Variants in GPR89B observed in about 807,000 individuals in gnomAD.
The protein encoded by GPR89B is G protein-coupled receptor 89B.
Under a neutral mutation model 52.4 loss-of-function variants are expected in GPR89B, and 25 were observed. That is an observed-to-expected ratio of 0.48 (90% CI 0.35 to 0.67). The LOEUF (loss-of-function observed/expected upper bound fraction) is 0.67. Ranked by LOEUF, GPR89B falls within the 30% of genes least tolerant of loss-of-function variation. The probability of loss-of-function intolerance (pLI) is 0.01; values close to 1 mark genes in which losing one functional copy is unlikely to be tolerated. For missense variants in GPR89B, 146 were observed against 450.2 expected (o/e 0.32, Z 6.11); for synonymous variants, 52 against 151.2 (o/e 0.34, Z 4.81).
chr1:148,015,553 A>T, the GPR89B span, among the ~76,000 whole-genome samples: 2 of 145,628 alleles, frequency 1.4e-5, no homozygotes, highest in African/African-American at 2.6e-5. Flanking sequence ...TGACCTCGTG[A>T]TGCACCCGCC....
chr1:147,936,178 A>G (rs587640239), intron 1 of GPR89B, among the ~76,000 whole-genome samples: 1 of 152,122 alleles, frequency 6.6e-6, no homozygotes, highest in South Asian at 2.1e-4. Flanking sequence ...CACCCAGCTA[A>G]TTTTTGTATT....
At chr1:148,002,671 A>T in the GPR89B span, among the ~76,000 whole-genome samples, 1 of 152,098 alleles carries the variant, frequency 6.6e-6, no homozygotes, top group Non-Finnish European at 1.5e-5. Flanking sequence ...CTCAAAAAAC[A>T]ACTCCCCATT....
At chr1:147,977,641 T>C (rs1657942207) in intron 10 of GPR89B, among the ~76,000 whole-genome samples, 1 of 150,728 alleles carries the variant, frequency 6.6e-6, no homozygotes, top group African/African-American at 2.5e-5. Context: ...GTAGGTTCGG[T>C]ATTTTTATGT....
chr1:147,981,677 C>T (rs1221609543), intron 10 of GPR89B, among the ~76,000 whole-genome samples: 5 of 151,676 alleles, frequency 3.3e-5, no homozygotes, highest in African/African-American at 1.2e-4. Flanking sequence ...TTTTGAGACA[C>T]AGTCTCACTC....
rs1208089188 is a variant in GPR89B, at chr1:147,980,768, G to A, written c.910-5431G>A. On this transcript the variant is annotated intron_variant, in intron 10 of 13. Coordinates refer to ENST00000314163, the MANE Select transcript of GPR89B (RefSeq NM_016334.5). ...CGGGAGGCGGAGCTTGCAGTGAGCC[G>A]AGATCCCGCCACTGCACTCCAGCCT... 1.4e-3 allele frequency among the ~76,000 whole-genome samples: 186 copies of A among 128,974 alleles called. 5 individuals carry two copies. The South Asian group carries it at 0.043, about 30-fold the overall frequency. The allele number at this position is 128,974 out of a possible 152,430, so 84.6% of individuals were successfully genotyped here.
rs1284675064 is a variant in GPR89B at position 147,993,105 on chromosome 1, TGA to T, written c.*192_*193del. 6.8e-7 allele frequency: 1 copy of T among 1,479,426 alleles called. No homozygotes were observed. Among genetic ancestry groups the T allele is most frequent in the Non-Finnish European group, 9.0e-7 (1 of 1,116,944 alleles). The allele number at this position is 1,479,426 out of a possible 1,614,324, so 91.6% of individuals were successfully genotyped here. A position where few individuals can be genotyped will look rare whatever the true frequency, so the allele number is the denominator to read the frequency against. Reference sequence around the variant, plus strand: ...ACCATGAGTAGCATCAGCCAGAACATGAGAGGGAGAACTAACTCAAGACAATA... The same window carrying T: ...ACCATGAGTAGCATCAGCCAGAACATGAGGGAGAACTAACTCAAGACAATA... On this transcript the variant is annotated 3_prime_UTR_variant, in exon 14 of 14. Transcript: ENST00000314163.
At chr1:148,002,645 C>G in the GPR89B span, among the ~76,000 whole-genome samples, 5 of 152,014 alleles carry the variant, frequency 3.3e-5, no homozygotes, top group Non-Finnish European at 5.9e-5. Flanking sequence ...GGTTTTTGTT[C>G]TTCTCCCTTA....
chr1:147,928,675 C>G, intron 1 of GPR89B, 97 bp downstream of exon 1: 3 of 1,529,456 alleles, frequency 2.0e-6, no homozygotes, highest in Non-Finnish European at 9.0e-7. Flanking sequence ...GGGTCTCGCT[C>G]CTCTCTTACG....
At chr1:148,019,201 T>A in the GPR89B span, among the ~76,000 whole-genome samples, 2 of 151,204 alleles carry the variant, frequency 1.3e-5, no homozygotes, top group Admixed American at 1.3e-4. Flanking sequence ...GGTCTCGAAC[T>A]CCTGACCTCG....
At chr1:147,963,853 A>G (rs2149071399) in intron 7 of GPR89B, among the ~76,000 whole-genome samples, 1 of 152,342 alleles carries the variant, frequency 6.6e-6, no homozygotes, top group South Asian at 2.1e-4. Flanking sequence ...TTATCCAGAG[A>G]AATGAAGATT....
intron 7 of GPR89B, among the ~76,000 whole-genome samples, chr1:147,964,256 G>C (rs1356937799): frequency 1.3e-5 from 2 of 151,798 alleles, no homozygotes; most frequent in Non-Finnish European, 2.9e-5. Flanking sequence ...CTAAAAAAAA[G>C]TAATGGCTGA....
chr1:147,991,485 G>T (rs1659064573), intron 12 of GPR89B, among the ~76,000 whole-genome samples: 1 of 152,120 alleles, frequency 6.6e-6, no homozygotes, highest in Non-Finnish European at 1.5e-5. Flanking sequence ...CCAACACTAT[G>T]TTGAATAAGA....
chr1:148,021,923 T>G, the GPR89B span: 1 of 148,344 alleles, frequency 6.7e-6, no homozygotes, highest in Non-Finnish European at 1.5e-5. Context: ...GCGAAGCCTA[T>G]ATGGGTTCCC....
chr1:147,990,810 C>G (rs1432583767), intron 12 of GPR89B, among the ~76,000 whole-genome samples: 1 of 150,830 alleles, frequency 6.6e-6, no homozygotes, highest in Admixed American at 6.6e-5. Flanking sequence ...TGGTCTGTAT[C>G]TCTGTTTTGG....
rs1553247959 is a variant in GPR89B, at chr1:147,936,662, G to T, written c.78G>T (p.Met26Ile). 1.9e-6 allele frequency: 3 copies of T among 1,611,874 alleles called. No individual in the cohort carries two copies. Among genetic ancestry groups the T allele is most frequent in the Admixed American group, 3.3e-5 (2 of 59,834 alleles). The change falls in exon 2 of 14, where the codon ATG (methionine) becomes ATT (isoleucine). Residue 26 changes from methionine (M) to isoleucine (I), a missense_variant. Physicochemically the swap from Met to Ile is conservative, Grantham distance 10 (BLOSUM62 1). Transcript: ENST00000314163. ...LFFGFGWLFF[M>I]RQLFKDYEIR... Reference sequence around the variant, plus strand: ...TTGGATTTGGGTGGCTTTTCTTCATGCGCCAATTGTTTAAAGACTATGAGG... The same window carrying T: ...TTGGATTTGGGTGGCTTTTCTTCATTCGCCAATTGTTTAAAGACTATGAGG...
At chr1:147,966,268 C>T (rs1405631978) in intron 7 of GPR89B, among the ~76,000 whole-genome samples, 5 of 151,942 alleles carry the variant, frequency 3.3e-5, no homozygotes, top group Non-Finnish European at 4.4e-5. Context: ...CACAACCATC[C>T]AGATATGAGG....
the GPR89B span, among the ~76,000 whole-genome samples, chr1:148,021,542 G>T: frequency 6.6e-6 from 1 of 151,466 alleles, no homozygotes; most frequent in Non-Finnish European, 1.5e-5. Context: ...AAGCAGTGGT[G>T]GGGAACTGGG....
At chr1:147,948,754 TA>T (rs1483932944) in intron 5 of GPR89B, among the ~76,000 whole-genome samples, 35 of 145,018 alleles carry the variant, frequency 2.4e-4, no homozygotes, top group African/African-American at 8.4e-4. Flanking sequence ...GAAGATAAAA[TA>T]ATTTTTTTTT....
chr1:147,940,716 A>G (rs1654490014), intron 3 of GPR89B, among the ~76,000 whole-genome samples: 1 of 152,164 alleles, frequency 6.6e-6, no homozygotes, highest in South Asian at 2.1e-4. Context: ...CAATAAACTT[A>G]ATTTGTAAAA....
Sources: gnomAD v4.1 joint callset for allele counts (sites outside exome capture counted in the v4.1 genomes callset) on GRCh38, gnomAD v4.1.1 for gene constraint, MANE v1.5 for transcripts, NCBI Gene and HGNC (gene_info 2026-07-23, HGNC 2026-07-21) for gene names.